Variants in CDYL2 observed in about 807,000 individuals in gnomAD.
CDYL2 encodes the protein chromodomain Y like 2, also known as chromodomain Y-like protein 2.
Under a neutral mutation model 49.4 loss-of-function variants are expected in CDYL2, and 23 were observed. The observed-to-expected ratio is 0.47, with a 90% confidence interval of 0.34 to 0.66. The LOEUF (loss-of-function observed/expected upper bound fraction) is 0.66. Ranked by LOEUF, CDYL2 falls within the 30% of genes least tolerant of loss-of-function variation. The pLI is 0.01. For synonymous variants in CDYL2, 360 were observed against 268.8 expected (o/e 1.34, Z -3.32); for missense variants, 678 against 656.4 (o/e 1.03, Z -0.36).
intron 2 of CDYL2, among the ~76,000 whole-genome samples, chr16:80,656,359 T>C (rs1244358301): frequency 2.0e-5 from 3 of 152,246 alleles, no homozygotes; most frequent in African/African-American, 7.2e-5. Flanking sequence ...CTAACTGCTC[T>C]GCTGAGCCCA....
At position 80,599,764 on chromosome 16, in the gene CDYL2, A is replaced by C. The variant is rs1905997724; in HGVS notation, c.*4624T>G. 1 of 152,222 alleles carries C rather than the reference A, an allele frequency of 6.6e-6. No homozygotes were observed. The highest frequency in any genetic ancestry group is 2.4e-5 in the African/African-American group (1 of 41,462). 9.4% of individuals were successfully genotyped at this position (152,222 alleles called of 1,614,324 possible). ...GGAGCAGGAAATGCCATTTGTTCAG[A>C]ACAAATGATGGACCAGCAGCCTTCC... On this transcript the variant is annotated 3_prime_UTR_variant, in exon 7 of 7. Transcript: ENST00000570137.
intron 1 of CDYL2, among the ~76,000 whole-genome samples, chr16:80,726,706 C>A (rs569875247): frequency 4.6e-5 from 7 of 152,122 alleles, no homozygotes; most frequent in African/African-American, 1.7e-4. Context: ...AGGGTTGAAA[C>A]ATGGAATATA....
chr16:80,727,048 G>C (rs747213830), intron 1 of CDYL2, among the ~76,000 whole-genome samples: 6 of 152,178 alleles, frequency 3.9e-5, no homozygotes, highest in Non-Finnish European at 7.3e-5. Flanking sequence ...ACTGTGCCTG[G>C]GCAAGAGAGC....
chr16:80,762,471 C>T, intron 1 of CDYL2, among the ~76,000 whole-genome samples: 1 of 152,100 alleles, frequency 6.6e-6, no homozygotes, highest in East Asian at 1.9e-4. Flanking sequence ...ACGCTAAAAC[C>T]CAGAAGGAAC....
At chr16:80,642,615 T>C (rs776300571) in intron 2 of CDYL2, among the ~76,000 whole-genome samples, 3 of 152,178 alleles carry the variant, frequency 2.0e-5, no homozygotes, top group Non-Finnish European at 4.4e-5. Context: ...AGAGGTTTAA[T>C]TGGACTTACA....
chr16:80,723,292 G>A (rs1186688259), intron 1 of CDYL2, among the ~76,000 whole-genome samples: 1 of 152,246 alleles, frequency 6.6e-6, no homozygotes, highest in African/African-American at 2.4e-5. Context: ...GCTGTGCCCA[G>A]AAGGGTTGTA....
chr16:80,695,856 A>C (rs928189317), intron 1 of CDYL2, among the ~76,000 whole-genome samples: 4 of 152,206 alleles, frequency 2.6e-5, no homozygotes, highest in African/African-American at 9.7e-5. Context: ...AGCAGGCAGA[A>C]AATCAACAAA....
Position 80,600,274 on chromosome 16 carries a change from A to T in CDYL2, c.*4114T>A, listed in dbSNP as rs935379545. 1 of 152,156 alleles carries T rather than the reference A, an allele frequency of 6.6e-6. No individual in the cohort carries two copies. The highest frequency in any genetic ancestry group is 1.5e-5 in the Non-Finnish European group (1 of 68,032). 9.4% of individuals were successfully genotyped at this position (152,156 alleles called of 1,614,324 possible). A position where few individuals can be genotyped will look rare whatever the true frequency, so the allele number is the denominator to read the frequency against. On this transcript the variant is annotated 3_prime_UTR_variant, in exon 7 of 7. Transcript: ENST00000570137. ...AAAATTGGCACCAAACCAGTATGCT[A>T]TTTTTCAAAAGAACAAGTGATATTA... is the stretch of plus-strand genomic sequence containing the variant.
intron 1 of CDYL2, among the ~76,000 whole-genome samples, chr16:80,717,852 T>C (rs1904862436): frequency 6.6e-6 from 1 of 152,248 alleles, no homozygotes; most frequent in Non-Finnish European, 1.5e-5. Context: ...ATGCAAAATG[T>C]GACAAAGTTC....
In CDYL2 at chr16:80,721,926, C is replaced by T. The variant is rs541359682; in HGVS notation, c.25-36797G>A. On this transcript the variant is annotated intron_variant, in intron 1 of 6. Coordinates refer to ENST00000570137, the MANE Select transcript of CDYL2 (RefSeq NM_152342.4). ...TTCAGGGACTGTATTCCAGGCACAG[C>T]GACGAAGAGGTCCTAGCCACTACCC... Among the ~76,000 whole-genome samples, 121 of 152,254 alleles carry T rather than the reference C, an allele frequency of 7.9e-4. 1 individual carries two copies. The highest frequency in any genetic ancestry group is 2.9e-3 in the African/African-American group (120 of 41,554).
chr16:80,769,038 T>C (rs148086234), intron 1 of CDYL2, among the ~76,000 whole-genome samples: 1 of 152,276 alleles, frequency 6.6e-6, no homozygotes, highest in African/African-American at 2.4e-5. Flanking sequence ...AAGTCCAAAC[T>C]TCCTAGTATG....
chr16:80,763,335 G>GA (rs1567599134), intron 1 of CDYL2, among the ~76,000 whole-genome samples: 1 of 149,510 alleles, frequency 6.7e-6, no homozygotes, highest in Non-Finnish European at 1.5e-5. Context: ...CCAGGGCTGG[G>GA]TGAGGTGGCT....
intron 1 of CDYL2, among the ~76,000 whole-genome samples, chr16:80,760,214 T>G (rs1330485653): frequency 6.6e-6 from 1 of 152,150 alleles, no homozygotes; most frequent in Non-Finnish European, 1.5e-5. Flanking sequence ...CTAGGCAGTT[T>G]AACTGCACCA....
intron 2 of CDYL2, chr16:80,679,767 T>G (rs1358910703): frequency 2.2e-6 from 1 of 456,020 alleles, no homozygotes; most frequent in Non-Finnish European, 4.4e-6. Flanking sequence ...TGCATTTTCA[T>G]CTCCGCCATC....
chr16:80,649,726 C>T (rs577084742), intron 2 of CDYL2, among the ~76,000 whole-genome samples: 7 of 152,206 alleles, frequency 4.6e-5, no homozygotes, highest in Non-Finnish European at 2.9e-5. Flanking sequence ...CACTAAAGAG[C>T]TACAGTAACC....
Position 80,612,098 on chromosome 16 carries a change from A to G in CDYL2, c.1218+528T>C, listed in dbSNP as rs548670059. Among the ~76,000 whole-genome samples, 1 of 152,352 alleles carries G rather than the reference A, an allele frequency of 6.6e-6. No individual in the cohort carries two copies. The highest frequency in any genetic ancestry group is 1.9e-4 in the East Asian group (1 of 5,180). On this transcript the variant is annotated intron_variant, in intron 5 of 6. Coordinates refer to ENST00000570137, the MANE Select transcript of CDYL2 (RefSeq NM_152342.4). The surrounding 1 kb of genome is among the most constrained non-coding windows in gnomAD (Gnocchi z 5.0). ...TCCCTTGCAGGCGCATGTGACCAGA[A>G]GCTGAGTCATGGCCAATACCACATG... is the stretch of plus-strand genomic sequence containing the variant.
At chr16:80,781,390 G>A (rs1907262566) in intron 1 of CDYL2, among the ~76,000 whole-genome samples, 1 of 151,890 alleles carries the variant, frequency 6.6e-6, no homozygotes, top group South Asian at 2.1e-4. Flanking sequence ...AATATATGAA[G>A]CAAAAAACTG....
chr16:80,742,680 G>A (rs778480566), intron 1 of CDYL2, among the ~76,000 whole-genome samples: 1 of 151,864 alleles, frequency 6.6e-6, no homozygotes, highest in African/African-American at 2.4e-5. Flanking sequence ...AAGGGTGGAT[G>A]AATGGGTAGG....
intron 1 of CDYL2, among the ~76,000 whole-genome samples, chr16:80,764,069 T>G (rs1906630015): frequency 6.6e-6 from 1 of 151,992 alleles, no homozygotes; most frequent in Admixed American, 6.6e-5. Flanking sequence ...ACAAAAAAAG[T>G]CTTTAAAGAT....
Sources: gnomAD v4.1 joint callset for allele counts (sites outside exome capture counted in the v4.1 genomes callset) on GRCh38, gnomAD v4.1.1 for gene constraint, Gnocchi (gnomAD v3.1) non-coding constraint, MANE v1.5 for transcripts, NCBI Gene and HGNC (gene_info 2026-07-23, HGNC 2026-07-21) for gene names.